ARMC3: variants seen among roughly 807,000 people sequenced by gnomAD.
The protein encoded by ARMC3 is armadillo repeat containing 3.
Under a neutral mutation model 90.3 loss-of-function variants are expected in ARMC3, and 74 were observed. The ratio of observed to expected loss-of-function variants is 0.82; its 90% CI spans 0.68 to 0.99. The LOEUF is 0.99. Ranked by LOEUF, ARMC3 falls within the 50% of genes least tolerant of loss-of-function variation. The pLI, the probability that ARMC3 is intolerant of heterozygous loss-of-function variation, is 0.00. For missense variants in ARMC3, 958 were observed against 1,042.8 expected, an observed-to-expected ratio of 0.92 and a Z score of 1.12; for synonymous variants, 334 against 361.8, an observed-to-expected ratio of 0.92 and a Z score of 0.87.
chr10:22,969,568 T>G (rs1835591088), intron 8 of ARMC3, among the ~76,000 whole-genome samples: 1 of 152,220 alleles, frequency 6.6e-6, no homozygotes, highest in Non-Finnish European at 1.5e-5. Context: ...AGGGGCCTCA[T>G]GAGTTACATT....
At chr10:22,979,109 G>T (rs921199433) in intron 8 of ARMC3, among the ~76,000 whole-genome samples, 6 of 152,180 alleles carry the variant, frequency 3.9e-5, no homozygotes, top group African/African-American at 1.4e-4. Flanking sequence ...TGGCACAATA[G>T]CAACTTCTGA....
At chr10:23,019,787 C>T (rs760877930) in intron 16 of ARMC3, among the ~76,000 whole-genome samples, 20 of 151,914 alleles carry the variant, frequency 1.3e-4, no homozygotes, top group African/African-American at 4.1e-4. Flanking sequence ...TCAAGCAATT[C>T]GCCTGCCTCT....
Position 22,981,437 on chromosome 10 carries a change from A to G in ARMC3, c.1014A>G (p.Gln338=). ...ATGGAACTAAAATTGCTGCTTCCCA[A>G]GCTATTTCAGCAATGTGTGAGAATT... ...ENDGTKIAAS[Q]AISAMCENSG... The change falls in exon 9 of 19, where the codon CAA becomes CAG. Residue 338 remains glutamine, a synonymous_variant. Transcript: ENST00000298032. 1 of 1,614,162 alleles carries G rather than the reference A, an allele frequency of 6.2e-7. No individual in the cohort carries two copies. The highest frequency in any genetic ancestry group is 8.5e-7 in the Non-Finnish European group (1 of 1,180,022).
At chr10:23,026,106 A>G (rs1838707647) in intron 16 of ARMC3, among the ~76,000 whole-genome samples, 3 of 152,142 alleles carry the variant, frequency 2.0e-5, no homozygotes, top group Admixed American at 6.5e-5. Context: ...CCAAAAAGAA[A>G]TCTCTTGATC....
At chr10:22,959,229 G>C in intron 5 of ARMC3, 91 bp downstream of exon 5, 1 of 1,389,000 alleles carries the variant, frequency 7.2e-7, no homozygotes, top group Non-Finnish European at 1.0e-6. Flanking sequence ...ATGAAATATT[G>C]TAAAGTGTTA....
intron 4 of ARMC3, among the ~76,000 whole-genome samples, chr10:22,956,774 ATAT>A (rs1834956499): frequency 2.0e-5 from 3 of 148,230 alleles, no homozygotes; most frequent in Non-Finnish European, 4.5e-5. Context: ...TAATATCAAT[ATAT>A]TAATATATTA....
intron 12 of ARMC3, 123 bp downstream of exon 12, chr10:23,002,178 GCA>G: frequency 7.2e-7 from 1 of 1,384,878 alleles, no homozygotes; most frequent in Non-Finnish European, 9.6e-7. Context: ...CTGAAGCGCT[GCA>G]TGTCCCCAGG....
chr10:22,968,383 T>G lies in ARMC3; in HGVS notation c.810T>G (p.Ile270Met). 6.2e-7 allele frequency: 1 copy of G among 1,613,960 alleles called. No homozygotes were observed. Among genetic ancestry groups the G allele is most frequent in the South Asian group, 1.1e-5 (1 of 91,054 alleles). ...CLEDMDTMVQ[I>M]QQTGGLKKLL... ...AAGACATGGATACTATGGTGCAGAT[T>G]CAGCAGACAGGGGGTCTTAAAAAGC... Residue 270 changes from isoleucine to methionine, a missense_variant, in exon 8 of 19, where the codon ATT (isoleucine) becomes ATG (methionine). Transcript: ENST00000298032.
At chr10:22,973,653 C>CT (rs35563740) in intron 8 of ARMC3, among the ~76,000 whole-genome samples, 1 of 146,404 alleles carries the variant, frequency 6.8e-6, no homozygotes, top group Non-Finnish European at 1.5e-5. Context: ...TATCCTTATT[C>CT]TTTTTTTAGC....
chr10:23,013,302 T>C (rs1160343520), intron 16 of ARMC3, among the ~76,000 whole-genome samples: 1 of 152,228 alleles, frequency 6.6e-6, no homozygotes, highest in African/African-American at 2.4e-5. Context: ...TGGCCCACCC[T>C]GGAATAGCCT....
chr10:23,000,864 T>G (rs10764370), intron 11 of ARMC3, among the ~76,000 whole-genome samples: 131,430 of 152,210 alleles, frequency 0.86, 57,076 homozygotes, highest in Non-Finnish European at 0.88. Flanking sequence ...TATCCTCCAG[T>G]TGCATAGATA....
At chr10:22,950,331 A>G (rs1163349833) in intron 3 of ARMC3, among the ~76,000 whole-genome samples, 1 of 152,130 alleles carries the variant, frequency 6.6e-6, no homozygotes, top group Non-Finnish European at 1.5e-5. Context: ...TATGGCAACA[A>G]CAGCCCCAAC....
intron 7 of ARMC3, 46 bp downstream of exon 7, chr10:22,962,124 T>G: frequency 1.5e-6 from 2 of 1,344,494 alleles, no homozygotes; most frequent in Non-Finnish European, 2.0e-6. Context: ...AATGTATCTC[T>G]CCCAAATGTT....
intron 16 of ARMC3, among the ~76,000 whole-genome samples, chr10:23,014,902 A>C (rs79754890): frequency 6.6e-6 from 1 of 151,196 alleles, no homozygotes; most frequent in African/African-American, 2.4e-5. Context: ...AAAAAAAAAA[A>C]AAAAAAACCC....
intron 17 of ARMC3, chr10:23,031,056 T>A: frequency 2.7e-6 from 1 of 370,576 alleles, no homozygotes; most frequent in Non-Finnish European, 4.9e-6. Flanking sequence ...ATGAAAAGCA[T>A]CTTTCAATGT....
At chr10:22,931,312 G>C (rs1681955504) in intron 1 of ARMC3, among the ~76,000 whole-genome samples, 1 of 152,150 alleles carries the variant, frequency 6.6e-6, no homozygotes, top group South Asian at 2.1e-4. Context: ...TTTCCACACA[G>C]ACATGGACAT....
intron 16 of ARMC3, among the ~76,000 whole-genome samples, chr10:23,018,997 A>G (rs559569368): frequency 5.3e-5 from 8 of 152,138 alleles, no homozygotes; most frequent in African/African-American, 1.9e-4. Flanking sequence ...CATCCTCCCC[A>G]CTGCCTCCCA....
At chr10:22,931,741 A>T (rs922463737) in intron 1 of ARMC3, among the ~76,000 whole-genome samples, 1 of 152,188 alleles carries the variant, frequency 6.6e-6, no homozygotes, top group Non-Finnish European at 1.5e-5. Context: ...TGCCACTAAT[A>T]TATTCACCTC....
At chr10:22,987,518 C>G (rs1836504153) in intron 10 of ARMC3, among the ~76,000 whole-genome samples, 1 of 152,122 alleles carries the variant, frequency 6.6e-6, no homozygotes, top group Non-Finnish European at 1.5e-5. Flanking sequence ...GTTGGCTAGA[C>G]AGTTTTCAAA....
Sources: allele counts gnomAD v4.1 joint callset (sites outside exome capture counted in the v4.1 genomes callset), GRCh38; gene constraint gnomAD v4.1.1; transcripts MANE v1.5; gene names NCBI Gene and HGNC (gene_info 2026-07-23, HGNC 2026-07-21).